The following KCNQ2 variants were observed in gnomAD, a reference collection of about 807,000 sequenced individuals.
KCNQ2 encodes the protein potassium voltage-gated channel subfamily KQT member 2.
In KCNQ2, 14 loss-of-function variants were observed where a neutral mutation model predicts 84.8. The ratio of observed to expected loss-of-function variants is 0.17; its 90% CI spans 0.11 to 0.26. KCNQ2 has a LOEUF of 0.26. Among genes scored for constraint, KCNQ2 ranks in the 10% least tolerant of loss-of-function variants. The pLI is 1.00. For synonymous variants in KCNQ2, 599 were observed against 554.1 expected, an observed-to-expected ratio of 1.08 and a Z score of -1.14; for missense variants, 788 against 1,254.0, an observed-to-expected ratio of 0.63 and a Z score of 5.61.
chr20:63,413,640 C>T (rs2080195297), intron 14 of KCNQ2, 59 bp from the exon 15 acceptor site: 1 of 1,604,034 alleles, frequency 6.2e-7, no homozygotes, highest in African/African-American at 1.3e-5. Context: ...CCACAGGCAC[C>T]AGGACCTTCC....
At chr20:63,424,661 C>A in intron 10 of KCNQ2, 1 of 171,358 alleles carries the variant, frequency 5.8e-6, no homozygotes, top group Non-Finnish European at 1.3e-5. Flanking sequence ...TTCTCTTCCG[C>A]GTGACTTTCC....
intron 1 of KCNQ2, among the ~76,000 whole-genome samples, chr20:63,464,685 CA>C (rs763879511): frequency 7.9e-5 from 12 of 152,214 alleles, no homozygotes; most frequent in Non-Finnish European, 1.8e-4. Context: ...ACTCCAGCTC[CA>C]CTCTCCACAG....
At chr20:63,418,383 T>C (rs921890111) in intron 12 of KCNQ2, among the ~76,000 whole-genome samples, 5 of 152,176 alleles carry the variant, frequency 3.3e-5, no homozygotes, top group Non-Finnish European at 5.9e-5. Context: ...GAAATTCAGA[T>C]GTGCGGTGCC....
chr20:63,432,906 G>A (rs1036580295), intron 8 of KCNQ2, among the ~76,000 whole-genome samples: 2 of 152,174 alleles, frequency 1.3e-5, no homozygotes, highest in African/African-American at 4.8e-5. Context: ...CCTTAGGGAA[G>A]GCTCCAGGGG....
intron 4 of KCNQ2, 33 bp downstream of exon 4, chr20:63,444,626 G>A: frequency 6.7e-7 from 1 of 1,494,884 alleles, no homozygotes; most frequent in Non-Finnish European, 9.0e-7. Context: ...CTGGCTGGGG[G>A]CGCCCACCGC....
intron 12 of KCNQ2, among the ~76,000 whole-genome samples, chr20:63,416,673 C>G (rs1046835454): frequency 6.6e-6 from 1 of 152,198 alleles, no homozygotes; most frequent in African/African-American, 2.4e-5. Flanking sequence ...CCTGATCCCA[C>G]GGCGGCTCCC....
Position 63,407,855 on chromosome 20 carries a change from G to A in KCNQ2, c.1888-480C>T. The A allele has an allele frequency of 4.9e-6, 1 of 202,416 alleles. No individual in the cohort carries two copies. The highest frequency in any genetic ancestry group is 8.9e-5 in the South Asian group (1 of 11,262). The allele number at this position is 202,416 out of a possible 1,614,324, so 12.5% of individuals were successfully genotyped here. A position where few individuals can be genotyped will look rare whatever the true frequency, so the allele number is the denominator to read the frequency against. ...CTTCCTCCTTCCCAGACCCCTAGGG[G>A]CAAAGCCTCCAGCTCCACGGTTGGG... On this transcript the variant is annotated intron_variant, in intron 16 of 16. Coordinates refer to ENST00000359125, the MANE Select transcript of KCNQ2 (RefSeq NM_172107.4). This position sits in a 1 kb window ranked among gnomAD's most constrained non-coding sequence, Gnocchi z 7.2.
chr20:63,414,006 A>G lies in KCNQ2; in HGVS notation c.1631+82T>C. 2 of 1,054,884 alleles carry G rather than the reference A, an allele frequency of 1.9e-6. No homozygotes were observed. The highest frequency in any genetic ancestry group is 2.5e-5 in the South Asian group (2 of 79,258). 65.3% of individuals were successfully genotyped at this position (1,054,884 alleles called of 1,614,324 possible). On this transcript the variant is annotated intron_variant, in intron 14 of 16. Transcript: ENST00000359125. The surrounding 1 kb of genome is among the most constrained non-coding windows in gnomAD (Gnocchi z 6.6). ...TCTCTGGGCGGCTCTGTCCAGCACC[A>G]TGAGCACCGGCAGCAGGCAGGACCA...
chr20:63,453,267 C>T (rs2081668653), intron 1 of KCNQ2, among the ~76,000 whole-genome samples: 2 of 152,366 alleles, frequency 1.3e-5, no homozygotes, highest in South Asian at 4.1e-4. Flanking sequence ...CACTCGGCCC[C>T]GCCCACGTGT....
chr20:63,424,308 AG>A, intron 10 of KCNQ2, 102 bp from the exon 11 acceptor site: 1 of 1,340,724 alleles, frequency 7.5e-7, no homozygotes, highest in South Asian at 1.3e-5. Context: ...CAGGGGCTGC[AG>A]GGGAGGGGGG....
At chr20:63,424,485 C>T (rs2080570692) in intron 10 of KCNQ2, 1 of 532,644 alleles carries the variant, frequency 1.9e-6, no homozygotes. Flanking sequence ...TACCCCTCCA[C>T]ATTTACAGAC....
chr20:63,450,419 T>A (rs998902920), intron 1 of KCNQ2, among the ~76,000 whole-genome samples: 3 of 143,292 alleles, frequency 2.1e-5, no homozygotes, highest in African/African-American at 7.9e-5. Flanking sequence ...CCCAGGGCCC[T>A]GGGGCTGCCC....
At chr20:63,436,355 C>T (rs1402306826) in intron 7 of KCNQ2, among the ~76,000 whole-genome samples, 2 of 152,134 alleles carry the variant, frequency 1.3e-5, no homozygotes, top group Non-Finnish European at 2.9e-5. Flanking sequence ...CACGGTGAAA[C>T]CCCGTCTCTA....
At chr20:63,434,207 T>A in intron 7 of KCNQ2, 1 of 440,380 alleles carries the variant, frequency 2.3e-6, no homozygotes, top group Non-Finnish European at 4.0e-6. Flanking sequence ...TTTTCATGAC[T>A]CTTACCTGGC....
At position 63,413,761 on chromosome 20, in the gene KCNQ2, A is replaced by G. The variant is rs1163092115; in HGVS notation, c.1632-180T>C. Among the ~76,000 whole-genome samples the G allele has an allele frequency of 1.7e-4, 15 of 88,932 alleles. No homozygotes were observed. In the East Asian group the frequency reaches 2.9e-3, roughly 17 times the overall value. 58.3% of individuals were successfully genotyped at this position (88,932 alleles called of 152,430 possible). ...TTTATGTGGCCCTGCTCTGCCCGGG[A>G]CAGGTGGGGCTTGCAGGCCTGGCCA... On this transcript the variant is annotated intron_variant, in intron 14 of 16. Coordinates refer to ENST00000359125, the MANE Select transcript of KCNQ2 (RefSeq NM_172107.4).
rs141577736 is a variant in KCNQ2 at position 63,402,355 on chromosome 20, C to T, written c.*4289G>A. On this transcript the variant is annotated 3_prime_UTR_variant, in exon 17 of 17. Transcript: ENST00000359125. ...ACCTGTGATCTTGCCAATGCCCCAG[C>T]CTCTGCTCTGTACGGCATTCATAGC... The T allele has an allele frequency of 3.8e-5, 6 of 156,476 alleles. No homozygotes were observed. The highest frequency in any genetic ancestry group is 3.2e-3 in the Middle Eastern group (1 of 316). 9.7% of individuals were successfully genotyped at this position (156,476 alleles called of 1,614,324 possible). A position where few individuals can be genotyped will look rare whatever the true frequency, so the allele number is the denominator to read the frequency against.
At chr20:63,424,080 C>T (rs745995806) in intron 11 of KCNQ2, 97 bp downstream of exon 11, 7 of 1,345,890 alleles carry the variant, frequency 5.2e-6, no homozygotes, top group South Asian at 1.3e-5. Context: ...ACACACAAGG[C>T]CCTCACATCT....
chr20:63,467,487 C>T (rs777891497), intron 1 of KCNQ2, among the ~76,000 whole-genome samples: 1 of 152,072 alleles, frequency 6.6e-6, no homozygotes, highest in Non-Finnish European at 1.5e-5. Flanking sequence ...GAATGTCATT[C>T]CTATGGGGCT....
intron 12 of KCNQ2, among the ~76,000 whole-genome samples, chr20:63,417,767 C>T (rs557703139): frequency 2.6e-5 from 4 of 152,354 alleles, no homozygotes; most frequent in Non-Finnish European, 5.9e-5. Flanking sequence ...ACGTCTGCTT[C>T]CCATTTTTCA....
Sources: allele counts gnomAD v4.1 joint callset (sites outside exome capture counted in the v4.1 genomes callset), GRCh38; gene constraint gnomAD v4.1.1; non-coding constraint Gnocchi (gnomAD v3.1); transcripts MANE v1.5; gene names NCBI Gene and HGNC (gene_info 2026-07-23, HGNC 2026-07-21).